Variants in TRIM37 observed in about 807,000 individuals in gnomAD.
TRIM37 encodes E3 ubiquitin-protein ligase TRIM37.
Under a neutral mutation model 129.8 loss-of-function variants are expected in TRIM37, and 80 were observed. The ratio of observed to expected loss-of-function variants is 0.62; its 90% CI spans 0.51 to 0.74. TRIM37 has a LOEUF of 0.74. Ranked by LOEUF, TRIM37 falls within the 30% of genes least tolerant of loss-of-function variation. TRIM37 has a pLI of 0.00. For synonymous variants in TRIM37, 389 were observed against 387.1 expected (o/e 1.00, Z -0.06); for missense variants, 1,054 against 1,176.5 (o/e 0.90, Z 1.52).
intron 19 of TRIM37, among the ~76,000 whole-genome samples, chr17:59,028,078 T>A (rs1433643849): frequency 6.6e-6 from 1 of 152,172 alleles, no homozygotes; most frequent in Admixed American, 6.6e-5. Context: ...CACTCCTCGG[T>A]TGTTTCCTTC....
intron 24 of TRIM37, among the ~76,000 whole-genome samples, chr17:58,987,908 C>G (rs949048265): frequency 3.9e-4 from 60 of 152,294 alleles, no homozygotes; most frequent in African/African-American, 1.4e-3. Context: ...CACAGCACTT[C>G]CAGCTTCCAC....
At chr17:59,042,430 T>TAA (rs2039284587) in intron 16 of TRIM37, among the ~76,000 whole-genome samples, 1 of 92,170 alleles carries the variant, frequency 1.1e-5, no homozygotes, top group African/African-American at 5.5e-5. Flanking sequence ...AAAAAGGAAT[T>TAA]TAAAAAAAAA....
the TRIM37 span, chr17:58,969,803 AT>A: frequency 1.5e-6 from 2 of 1,373,452 alleles, no homozygotes; most frequent in Non-Finnish European, 1.0e-6. Flanking sequence ...TTAAAGGGCT[AT>A]TTAGATTTTC....
Position 59,036,049 on chromosome 17 carries a change from C to T in TRIM37, c.1754-3959G>A, listed in dbSNP as rs190490720. 1.2e-3 allele frequency among the ~76,000 whole-genome samples: 178 copies of T among 152,258 alleles called. 2 individuals are homozygous for T. Among genetic ancestry groups the T allele is most frequent in the African/African-American group, 4.1e-3 (170 of 41,562 alleles). On this transcript the variant is annotated intron_variant, in intron 17 of 23. Transcript: ENST00000262294. ...GTTACAAATTACATACCGATATTTA[C>T]CATCACAAAATCTTGTAATGATCAG... is the stretch of plus-strand genomic sequence containing the variant.
intron 16 of TRIM37, among the ~76,000 whole-genome samples, chr17:59,043,598 C>G (rs1458160200): frequency 6.6e-6 from 1 of 152,164 alleles, no homozygotes; most frequent in Non-Finnish European, 1.5e-5. Context: ...ATTGCTGATG[C>G]TATAGTACAG....
rs1010388844 is a variant in TRIM37, at chr17:59,088,870, CTTAT to C, written c.165-467_165-464del. Among the ~76,000 whole-genome samples, 27 of 152,184 alleles carry C rather than the reference CTTAT, an allele frequency of 1.8e-4. No individual in the cohort carries two copies. The Middle Eastern group carries it at 0.01, about 58-fold the overall frequency. ...AGACAATGAAAAATATTATCTGTGA[CTTAT>C]TTTCACCACATTAACACGTCATTTA... On this transcript the variant is annotated intron_variant, in intron 3 of 23. Transcript: ENST00000262294.
intron 8 of TRIM37, among the ~76,000 whole-genome samples, chr17:59,071,283 C>CTTTTTTT (rs962225941): frequency 8.2e-6 from 1 of 121,338 alleles, no homozygotes; most frequent in African/African-American, 3.1e-5. Flanking sequence ...AAGTTGAAAG[C>CTTTTTTT]TTTTTTTTTT....
intron 3 of TRIM37, among the ~76,000 whole-genome samples, chr17:59,090,414 C>A (rs1205780818): frequency 6.6e-6 from 1 of 151,944 alleles, no homozygotes; most frequent in Admixed American, 6.6e-5. Flanking sequence ...AATATAGGCA[C>A]AATCATACTG....
chr17:59,094,728 GAAAAGA>G (rs1333623149), intron 2 of TRIM37, among the ~76,000 whole-genome samples: 38 of 151,916 alleles, frequency 2.5e-4, no homozygotes, highest in African/African-American at 8.7e-4. Flanking sequence ...TTCCTGACTG[GAAAAGA>G]AACAGATTTG....
At chr17:59,018,333 T>A (rs1214204333) in intron 19 of TRIM37, among the ~76,000 whole-genome samples, 1 of 151,808 alleles carries the variant, frequency 6.6e-6, no homozygotes, top group Non-Finnish European at 1.5e-5. Flanking sequence ...AAATACATTT[T>A]AAAAAAAGAA....
chr17:59,076,061 A>G (rs2042786410), intron 7 of TRIM37, among the ~76,000 whole-genome samples: 1 of 152,250 alleles, frequency 6.6e-6, no homozygotes, highest in East Asian at 1.9e-4. Context: ...ATTTCATTCA[A>G]TCAGCTATTC....
rs142561437 is a variant in TRIM37, at chr17:59,034,496, A to C, written c.1754-2406T>G. ...TGCCTCAGCCTCCCTAGTAGCTGGG[A>C]TTACAGGCATGCAGCACCATGCCTG... On this transcript the variant is annotated intron_variant, in intron 17 of 23. Coordinates refer to ENST00000262294, the MANE Select transcript of TRIM37 (RefSeq NM_015294.6). 6.6e-5 allele frequency among the ~76,000 whole-genome samples: 10 copies of C among 151,558 alleles called. No homozygotes were observed. In the East Asian group the frequency reaches 2.0e-3, roughly 30 times the overall value.
chr17:59,084,044 A>C lies in TRIM37; in HGVS notation c.327T>G (p.Cys109Trp). The C allele has an allele frequency of 6.2e-7, 1 of 1,613,876 alleles. No individual in the cohort carries two copies. Among genetic ancestry groups the C allele is most frequent in the Non-Finnish European group, 8.5e-7 (1 of 1,179,906 alleles). ...HEKLSVFCWT[C>W]KKCICHQCAL... is the part of the protein sequence containing the mutation. ...CACACTGATGGCAGATACACTTCTTACAAGTCCAGCAAAATACACTAAGTT... is the reference window on the plus strand; with the variant it reads ...CACACTGATGGCAGATACACTTCTTCCAAGTCCAGCAAAATACACTAAGTT... The change falls in exon 5 of 24, where the codon TGT (cysteine) becomes TGG (tryptophan). Residue 109 changes from cysteine to tryptophan, a missense_variant. Cys to Trp is a radical substitution (Grantham distance 215). This residue lies in a region of TRIM37 where 752 missense variants were observed against 870.8 expected (regional missense o/e 0.86). Transcript: ENST00000262294.
intron 7 of TRIM37, 131 bp from the exon 8 acceptor site, chr17:59,075,845 C>T (rs2042771178): frequency 1.4e-6 from 1 of 698,022 alleles, no homozygotes; most frequent in Non-Finnish European, 2.5e-6. Context: ...TACAGCTACC[C>T]TAAAAATTCT....
At chr17:58,969,881 A>C in the TRIM37 span, among the ~76,000 whole-genome samples, 1 of 152,232 alleles carries the variant, frequency 6.6e-6, no homozygotes, top group East Asian at 1.9e-4. Flanking sequence ...TTGTAGTTCC[A>C]ATTCCCTCCT....
intron 6 of TRIM37, among the ~76,000 whole-genome samples, chr17:59,080,567 T>A (rs2043167754): frequency 1.3e-5 from 2 of 152,104 alleles, no homozygotes; most frequent in Non-Finnish European, 2.9e-5. Flanking sequence ...CCAAGGCAGG[T>A]GGATCACGAC....
At chr17:59,047,932 A>AT in intron 15 of TRIM37, 113 bp from the exon 16 acceptor site, 1 of 1,274,782 alleles carries the variant, frequency 7.8e-7, no homozygotes, top group South Asian at 1.2e-5. Context: ...TCAAAAATCT[A>AT]TTTTCTGCTC....
chr17:59,098,722 T>TA (rs917123398), intron 2 of TRIM37, among the ~76,000 whole-genome samples: 6 of 144,252 alleles, frequency 4.2e-5, no homozygotes, highest in Admixed American at 2.1e-4. Context: ...TTACCACAAT[T>TA]AAAAAAAAAT....
the TRIM37 span, among the ~76,000 whole-genome samples, chr17:58,976,938 T>C: frequency 6.6e-6 from 1 of 152,162 alleles, no homozygotes; most frequent in Non-Finnish European, 1.5e-5. Context: ...GAATAGGGGA[T>C]GGGAACTTTA....
Sources: allele counts gnomAD v4.1 joint callset (sites outside exome capture counted in the v4.1 genomes callset), GRCh38; gene constraint gnomAD v4.1.1; regional missense constraint gnomAD v4.1.1; transcripts MANE v1.5; gene names NCBI Gene and HGNC (gene_info 2026-07-23, HGNC 2026-07-21).